Variants in ERC2 observed in about 807,000 individuals in gnomAD.
The protein encoded by ERC2 is ERC protein 2.
A neutral mutation model predicts 114.8 loss-of-function variants in ERC2; 42 were observed. The ratio of observed to expected loss-of-function variants is 0.37; its 90% CI spans 0.29 to 0.47. The LOEUF (loss-of-function observed/expected upper bound fraction) is 0.47. Among genes scored for constraint, ERC2 ranks in the 20% least tolerant of loss-of-function variants. The pLI, the probability that ERC2 is intolerant of heterozygous loss-of-function variation, is 0.99. For missense variants in ERC2, 939 were observed against 1,150.7 expected (o/e 0.82, Z 2.66); for synonymous variants, 454 against 425.5 (o/e 1.07, Z -0.82).
At chr3:56,453,013 A>T (rs2062891539) in intron 1 of ERC2, among the ~76,000 whole-genome samples, 1 of 152,204 alleles carries the variant, frequency 6.6e-6, no homozygotes, top group Non-Finnish European at 1.5e-5. Context: ...CAATGGGTCT[A>T]AAAAAAGTAG....
intron 17 of ERC2, among the ~76,000 whole-genome samples, chr3:55,551,556 C>G (rs942229943): frequency 6.6e-6 from 1 of 152,038 alleles, no homozygotes; most frequent in African/African-American, 2.4e-5. Flanking sequence ...AAAACAAAAA[C>G]AAAAAGAAAT....
chr3:56,185,118 C>T (rs1389834637), intron 3 of ERC2: 1 of 150,808 alleles, frequency 6.6e-6, no homozygotes, highest in Admixed American at 6.7e-5. Flanking sequence ...GGTCACTCAC[C>T]TCAGCCTATG....
chr3:55,845,746 G>T (rs191051755), intron 14 of ERC2, among the ~76,000 whole-genome samples: 2 of 152,324 alleles, frequency 1.3e-5, no homozygotes, highest in East Asian at 3.9e-4. Context: ...TGGAACACCA[G>T]ATTCAAGAAG....
At chr3:56,402,993 C>A (rs1380125717) in intron 2 of ERC2, among the ~76,000 whole-genome samples, 1 of 152,086 alleles carries the variant, frequency 6.6e-6, no homozygotes, top group Non-Finnish European at 1.5e-5. Context: ...GGCGCTCCTC[C>A]CAACTGTGGT....
At position 55,856,366 on chromosome 3, in the gene ERC2, A is replaced by G. The variant is rs149052863; in HGVS notation, c.2564+32023T>C. 3.2e-3 allele frequency among the ~76,000 whole-genome samples: 487 copies of G among 152,226 alleles called. 8 individuals carry two copies. Among genetic ancestry groups the G allele is most frequent in the East Asian group, 0.013 (67 of 5,168 alleles). Reference sequence around the variant, plus strand: ...ACTATAGATCAGGAAGAATTTTGTGACTCGTCCAATGCAGAACAGAACACC... The same window carrying G: ...ACTATAGATCAGGAAGAATTTTGTGGCTCGTCCAATGCAGAACAGAACACC... On this transcript the variant is annotated intron_variant, in intron 14 of 17. Transcript: ENST00000288221.
chr3:56,228,031 T>C (rs969204997), intron 3 of ERC2, among the ~76,000 whole-genome samples: 1 of 151,984 alleles, frequency 6.6e-6, no homozygotes, highest in Admixed American at 6.6e-5. Context: ...GTAGATACAA[T>C]AGAAATCCAT....
intron 14 of ERC2, among the ~76,000 whole-genome samples, chr3:55,830,811 C>T (rs2060535493): frequency 6.6e-6 from 1 of 151,956 alleles, no homozygotes; most frequent in South Asian, 2.1e-4. Context: ...AGGTATGATG[C>T]TATGTGCCTG....
intron 2 of ERC2, among the ~76,000 whole-genome samples, chr3:56,301,467 G>A (rs919497098): frequency 6.6e-6 from 1 of 152,030 alleles, no homozygotes; most frequent in African/African-American, 2.4e-5. Context: ...GACGGGGAGG[G>A]GATGTGAAGT....
At chr3:55,790,768 A>ACAG (rs1381990114) in intron 14 of ERC2, among the ~76,000 whole-genome samples, 1 of 152,236 alleles carries the variant, frequency 6.6e-6, no homozygotes, top group African/African-American at 2.4e-5. Flanking sequence ...TTATCAGTGG[A>ACAG]CAGCAGCCAT....
intron 6 of ERC2, among the ~76,000 whole-genome samples, chr3:56,101,526 G>A (rs1214063065): frequency 6.6e-6 from 1 of 152,090 alleles, no homozygotes; most frequent in African/African-American, 2.4e-5. Context: ...CATTCCTCCA[G>A]TTTTTAGAGA....
At position 56,271,021 on chromosome 3, in the gene ERC2, T is replaced by A. The variant is rs1477807553; in HGVS notation, c.1074+24998A>T. On this transcript the variant is annotated intron_variant, in intron 3 of 17. Coordinates refer to ENST00000288221, the MANE Select transcript of ERC2 (RefSeq NM_015576.3). The stretch of plus-strand genomic sequence containing the variant: ...AACAAACAAACAAAAAAAACCAGCC[T>A]TGTACTTTCTTCACACATTTTCTTT... 2.0e-5 allele frequency among the ~76,000 whole-genome samples: 3 copies of A among 152,288 alleles called. No individual in the cohort carries two copies. The East Asian group carries it at 5.8e-4, about 29-fold the overall frequency.
intron 17 of ERC2, among the ~76,000 whole-genome samples, chr3:55,538,438 G>T (rs115854009): frequency 1.3e-5 from 2 of 152,198 alleles, no homozygotes; most frequent in Admixed American, 6.5e-5. Flanking sequence ...GCCTCAACTC[G>T]GATGCCGAGA....
chr3:55,990,585 C>T (rs527694355), intron 11 of ERC2, among the ~76,000 whole-genome samples: 5 of 152,138 alleles, frequency 3.3e-5, no homozygotes, highest in African/African-American at 7.2e-5. Flanking sequence ...TTACCATACC[C>T]GGCTAATTAT....
intron 7 of ERC2, among the ~76,000 whole-genome samples, chr3:56,030,579 T>C (rs971809000): frequency 8.5e-5 from 13 of 152,346 alleles, no homozygotes; most frequent in South Asian, 4.1e-4. Flanking sequence ...TGATGGTCCA[T>C]AGTAATTTTT....
intron 17 of ERC2, among the ~76,000 whole-genome samples, chr3:55,528,152 T>C (rs1252499071): frequency 6.6e-6 from 1 of 152,150 alleles, no homozygotes; most frequent in Non-Finnish European, 1.5e-5. Flanking sequence ...AAAAATGCAT[T>C]AATATTAACC....
chr3:56,385,649 A>C (rs1005251231), intron 2 of ERC2, among the ~76,000 whole-genome samples: 13 of 152,188 alleles, frequency 8.5e-5, no homozygotes, highest in African/African-American at 3.1e-4. Flanking sequence ...CATTTGATCT[A>C]TGTTAAGGCA....
rs749421590 is a variant in ERC2 at position 56,043,051 on chromosome 3, G to A, written c.1642-24020C>T. On this transcript the variant is annotated intron_variant, in intron 7 of 17. Transcript: ENST00000288221. ...GCAAGATCTTCATGGTTTGCTAACC[G>A]TGGCTAAACGTATTGAGAGGATGGC... Among the ~76,000 whole-genome samples, 6 of 152,238 alleles carry A rather than the reference G, an allele frequency of 3.9e-5. No homozygotes were observed. The East Asian group carries it at 9.7e-4, about 24-fold the overall frequency.
chr3:56,421,878 C>T (rs1288783745), intron 2 of ERC2, among the ~76,000 whole-genome samples: 1 of 152,014 alleles, frequency 6.6e-6, no homozygotes, highest in Non-Finnish European at 1.5e-5. Flanking sequence ...CTACTTGCAA[C>T]CATATTCTCC....
intron 6 of ERC2, among the ~76,000 whole-genome samples, chr3:56,116,239 T>C (rs956292251): frequency 3.3e-5 from 5 of 152,228 alleles, no homozygotes; most frequent in Admixed American, 2.6e-4. Context: ...ATCCATATTT[T>C]ACTCTACTTT....
Sources: gnomAD v4.1 joint callset for allele counts (sites outside exome capture counted in the v4.1 genomes callset) on GRCh38, gnomAD v4.1.1 for gene constraint, MANE v1.5 for transcripts, NCBI Gene and HGNC (gene_info 2026-07-23, HGNC 2026-07-21) for gene names.